ANKFN1: variants seen among roughly 807,000 people sequenced by gnomAD.
ANKFN1 encodes ankyrin repeat and fibronectin type III domain containing 1.
A neutral mutation model predicts 108.7 loss-of-function variants in ANKFN1; 74 were observed. That is an observed-to-expected ratio of 0.68 (90% CI 0.56 to 0.83). ANKFN1 has a LOEUF of 0.83. ANKFN1 is among the 40% of genes least tolerant of loss of function. The pLI is 0.00. For missense variants in ANKFN1, 1,505 were observed against 1,382.3 expected, an observed-to-expected ratio of 1.09 and a Z score of -1.41; for synonymous variants, 547 against 516.2, an observed-to-expected ratio of 1.06 and a Z score of -0.81.
intron 3 of ANKFN1, among the ~76,000 whole-genome samples, chr17:56,245,057 C>G (rs1350928639): frequency 2.6e-5 from 4 of 152,036 alleles, no homozygotes; most frequent in Non-Finnish European, 5.9e-5. Flanking sequence ...TTGGATGTAA[C>G]TCCAAAAAAC....
At chr17:56,140,227 C>CT (rs1374012881) in intron 4 of ANKFN1, among the ~76,000 whole-genome samples, 5 of 152,054 alleles carry the variant, frequency 3.3e-5, no homozygotes, top group Non-Finnish European at 5.9e-5. Flanking sequence ...TTTCCATAAC[C>CT]TTTTTTTTCA....
intron 4 of ANKFN1, among the ~76,000 whole-genome samples, chr17:56,108,524 C>A (rs1222609082): frequency 6.6e-6 from 1 of 152,168 alleles, no homozygotes; most frequent in Non-Finnish European, 1.5e-5. Context: ...CCCCTGATAA[C>A]CCCATGAGAA....
chr17:56,386,850 A>T lies in ANKFN1; in HGVS notation c.910+12136A>T, dbSNP rs573316670. On this transcript the variant is annotated intron_variant, in intron 8 of 20. Transcript: ENST00000682825. ...CGGATTTAAGAAGTCTTATTTTCTT[A>T]TCAGCTTAGTAAGAAGTGTTTTTGT... Among the ~76,000 whole-genome samples, 30 of 152,162 alleles carry T rather than the reference A, an allele frequency of 2.0e-4. No individual in the cohort carries two copies. In the South Asian group the frequency reaches 3.5e-3, roughly 18 times the overall value.
intron 3 of ANKFN1, among the ~76,000 whole-genome samples, chr17:56,272,012 C>T (rs972754506): frequency 6.6e-6 from 1 of 152,136 alleles, no homozygotes; most frequent in Non-Finnish European, 1.5e-5. Flanking sequence ...CAGTCGCAAA[C>T]ATTCTAATTA....
intron 8 of ANKFN1, among the ~76,000 whole-genome samples, chr17:56,397,451 A>G (rs1270414832): frequency 6.6e-6 from 1 of 152,230 alleles, no homozygotes; most frequent in African/African-American, 2.4e-5. Flanking sequence ...TCTGTTCTAC[A>G]AAGTGCTTTA....
intron 3 of ANKFN1, among the ~76,000 whole-genome samples, chr17:56,285,557 T>C (rs762534931): frequency 2.0e-5 from 3 of 152,132 alleles, no homozygotes; most frequent in Non-Finnish European, 4.4e-5. Flanking sequence ...GTTGGAGCAG[T>C]ATAATGCTGA....
chr17:56,256,214 CTCAAG>C (rs914648138), intron 3 of ANKFN1, among the ~76,000 whole-genome samples: 2 of 152,092 alleles, frequency 1.3e-5, no homozygotes, highest in African/African-American at 4.8e-5. Context: ...TTTTCAAAAA[CTCAAG>C]TCAAGCCATT....
chr17:56,210,898 G>T (rs562723444), intron 1 of ANKFN1, among the ~76,000 whole-genome samples: 9 of 152,224 alleles, frequency 5.9e-5, no homozygotes, highest in African/African-American at 1.9e-4. Context: ...ACCTCCCATC[G>T]GGTCCCTCCT....
upstream of ANKFN1, among the ~76,000 whole-genome samples, chr17:56,151,562 C>T (rs188402806): frequency 5.8e-4 from 89 of 152,178 alleles, 1 homozygote; most frequent in African/African-American, 2.1e-3. Flanking sequence ...AATGGGGCCT[C>T]TTTAGAGTAG....
At chr17:56,489,908 T>C (rs1220479788) in intron 18 of ANKFN1, among the ~76,000 whole-genome samples, 2 of 152,120 alleles carry the variant, frequency 1.3e-5, no homozygotes. Flanking sequence ...TTGAGATTCC[T>C]TCCTGTGGAG....
At chr17:56,146,989 A>T (rs575481132) in intron 4 of ANKFN1, among the ~76,000 whole-genome samples, 1 of 152,242 alleles carries the variant, frequency 6.6e-6, no homozygotes, top group Non-Finnish European at 1.5e-5. Flanking sequence ...CTTCTGCCAG[A>T]TACCCTAAAA....
chr17:56,337,166 G>A (rs963032502), intron 4 of ANKFN1, among the ~76,000 whole-genome samples: 4 of 152,124 alleles, frequency 2.6e-5, no homozygotes, highest in African/African-American at 7.2e-5. Context: ...GAATAAGTGC[G>A]ATGTGGTGCT....
chr17:56,152,346 C>T (rs1333778878), upstream of ANKFN1, among the ~76,000 whole-genome samples: 2 of 150,782 alleles, frequency 1.3e-5, no homozygotes, highest in Admixed American at 6.6e-5. Flanking sequence ...TACGAATATC[C>T]TCACTCCATG....
chr17:56,186,445 G>A (rs1448433849), intron 1 of ANKFN1, among the ~76,000 whole-genome samples: 1 of 151,912 alleles, frequency 6.6e-6, no homozygotes, highest in Non-Finnish European at 1.5e-5. Flanking sequence ...GAGAGGTTAA[G>A]CGGCTTGTCC....
intron 3 of ANKFN1, among the ~76,000 whole-genome samples, chr17:56,307,543 A>T (rs927940170): frequency 6.6e-6 from 1 of 152,216 alleles, no homozygotes; most frequent in Admixed American, 6.5e-5. Flanking sequence ...ATCTCACACC[A>T]GTTAGAATGG....
At chr17:56,308,592 G>A (rs1183618819) in intron 3 of ANKFN1, among the ~76,000 whole-genome samples, 2 of 151,934 alleles carry the variant, frequency 1.3e-5, no homozygotes, top group African/African-American at 4.8e-5. Flanking sequence ...TTACTGACTA[G>A]AACTCACAAA....
intron 8 of ANKFN1, among the ~76,000 whole-genome samples, chr17:56,406,798 T>C (rs569955559): frequency 2.8e-4 from 42 of 152,306 alleles, no homozygotes; most frequent in East Asian, 2.7e-3. Flanking sequence ...GGAAAATGCA[T>C]AGCATTTCAG....
intron 4 of ANKFN1, among the ~76,000 whole-genome samples, chr17:56,088,481 G>A (rs933705018): frequency 2.0e-5 from 3 of 151,042 alleles, no homozygotes; most frequent in Non-Finnish European, 4.4e-5. Flanking sequence ...AGCCCCCTGA[G>A]GCATCCGGTC....
chr17:56,449,466 T>G (rs2049413633), intron 11 of ANKFN1, among the ~76,000 whole-genome samples: 1 of 152,032 alleles, frequency 6.6e-6, no homozygotes, highest in African/African-American at 2.4e-5. Context: ...TCTCTCGGAA[T>G]TGTCCCTTCA....
Sources: allele counts gnomAD v4.1 joint callset (sites outside exome capture counted in the v4.1 genomes callset), GRCh38; gene constraint gnomAD v4.1.1; transcripts MANE v1.5; gene names NCBI Gene and HGNC (gene_info 2026-07-23, HGNC 2026-07-21).